Variants in TANC2 observed in about 807,000 individuals in gnomAD.
TANC2 encodes tetratricopeptide repeat, ankyrin repeat and coiled-coil containing 2.
In TANC2, 26 loss-of-function variants were observed where a neutral mutation model predicts 210.5. The ratio of observed to expected loss-of-function variants is 0.12; its 90% CI spans 0.09 to 0.17. The LOEUF (loss-of-function observed/expected upper bound fraction) is 0.17, where lower values mean the gene tolerates loss of function less well. TANC2 is among the 10% of genes least tolerant of loss of function. TANC2 has a pLI of 1.00. For synonymous variants in TANC2, 931 were observed against 967.1 expected (o/e 0.96, Z 0.69); for missense variants, 2,129 against 2,608.9 (o/e 0.82, Z 4.01).
chr17:63,079,130 T>C (rs2036675997), intron 3 of TANC2, among the ~76,000 whole-genome samples: 1 of 152,208 alleles, frequency 6.6e-6, no homozygotes, highest in Non-Finnish European at 1.5e-5. Flanking sequence ...GAGATGGGCT[T>C]GCTTAGGAAC....
chr17:63,427,067 T>C (rs2049163464), exon 28 of TANC2: 1 of 152,280 alleles, frequency 6.6e-6, no homozygotes, highest in Non-Finnish European at 1.5e-5. Context: ...CTTCCTGTTC[T>C]GGTTTTGTTT....
intron 3 of TANC2, among the ~76,000 whole-genome samples, chr17:63,076,132 G>A (rs1347844162): frequency 6.6e-6 from 1 of 152,126 alleles, no homozygotes; most frequent in Non-Finnish European, 1.5e-5. Context: ...AGATGAAGAA[G>A]CATTGGGTTT....
At chr17:63,341,591 G>T (rs561354853) in intron 12 of TANC2, among the ~76,000 whole-genome samples, 34 of 152,248 alleles carry the variant, frequency 2.2e-4, no homozygotes, top group South Asian at 2.1e-3. Flanking sequence ...ACTCCTCATT[G>T]CTGGACATGA....
chr17:63,024,604 C>T (rs1373708908), intron 2 of TANC2, among the ~76,000 whole-genome samples: 2 of 152,172 alleles, frequency 1.3e-5, no homozygotes, highest in African/African-American at 2.4e-5. Flanking sequence ...CAGTAGGTCT[C>T]GGCCTTATTT....
intron 1 of TANC2, among the ~76,000 whole-genome samples, chr17:63,009,166 A>T (rs1182214365): frequency 6.6e-6 from 1 of 151,958 alleles, no homozygotes; most frequent in African/African-American, 2.4e-5. Context: ...TGGGTAAATA[A>T]TAGTTGTATA....
chr17:63,419,205 G>T (rs1292326634), intron 27 of TANC2, among the ~76,000 whole-genome samples: 1 of 152,174 alleles, frequency 6.6e-6, no homozygotes, highest in African/African-American at 2.4e-5. Flanking sequence ...CTTGAGGCTA[G>T]TGATGGTGGT....
At chr17:63,275,329 G>T (rs1424107544) in intron 9 of TANC2, among the ~76,000 whole-genome samples, 1 of 152,142 alleles carries the variant, frequency 6.6e-6, no homozygotes, top group East Asian at 1.9e-4. Flanking sequence ...TAGACACTAG[G>T]TTGGAGGGCA....
intron 14 of TANC2, among the ~76,000 whole-genome samples, chr17:63,374,565 A>G (rs1274225799): frequency 6.6e-6 from 1 of 152,152 alleles, no homozygotes; most frequent in East Asian, 1.9e-4. Context: ...ATCGGGGGGC[A>G]CCAGGGAAGG....
intron 21 of TANC2, among the ~76,000 whole-genome samples, chr17:63,410,346 C>CCCG (rs1555654880): frequency 6.7e-4 from 86 of 128,224 alleles, no homozygotes; most frequent in African/African-American, 3.4e-3. Context: ...ATCCCCCCCC[C>CCCG]CCATCTCCTA....
chr17:63,114,328 A>G (rs945772021), intron 4 of TANC2, among the ~76,000 whole-genome samples: 1 of 152,258 alleles, frequency 6.6e-6, no homozygotes, highest in African/African-American at 2.4e-5. Context: ...ACTGCTTCTC[A>G]GTATATCCAA....
At chr17:63,415,302 A>G (rs1254151793) in intron 25 of TANC2, among the ~76,000 whole-genome samples, 1 of 152,222 alleles carries the variant, frequency 6.6e-6, no homozygotes, top group Non-Finnish European at 1.5e-5. Context: ...CCTGGCTTGT[A>G]TCTTGGGTAT....
intron 6 of TANC2, among the ~76,000 whole-genome samples, chr17:63,195,905 C>T (rs2041331013): frequency 1.3e-5 from 2 of 152,164 alleles, no homozygotes. Flanking sequence ...CCCTTTCACG[C>T]ACGGCTCTCC....
chr17:63,024,387 C>CGTCAT, intron 2 of TANC2, among the ~76,000 whole-genome samples: 1 of 152,206 alleles, frequency 6.6e-6, no homozygotes, highest in East Asian at 1.9e-4. Context: ...ATTGCCATGA[C>CGTCAT]ATTCGTAAAC....
At chr17:63,309,427 GTATT>G (rs141306579) in intron 9 of TANC2, among the ~76,000 whole-genome samples, 11,015 of 152,002 alleles carry the variant, frequency 0.072, 1,254 homozygotes, top group African/African-American at 0.24. Flanking sequence ...GCTTTAATTT[GTATT>G]TATTTGGTTA....
intron 4 of TANC2, among the ~76,000 whole-genome samples, chr17:63,131,927 C>T (rs1233708714): frequency 2.6e-5 from 4 of 152,178 alleles, no homozygotes; most frequent in Admixed American, 2.6e-4. Context: ...CTTTCATAAA[C>T]ACTGAAACTT....
chr17:63,013,757 G>A (rs1598253215), intron 2 of TANC2, among the ~76,000 whole-genome samples: 1 of 66,722 alleles, frequency 1.5e-5, no homozygotes, highest in African/African-American at 6.4e-5. Flanking sequence ...GTGAGACCCT[G>A]TCTTTAAAAA....
intron 7 of TANC2, among the ~76,000 whole-genome samples, chr17:63,223,661 T>C (rs78703169): frequency 1.1e-4 from 16 of 152,134 alleles, no homozygotes; most frequent in African/African-American, 3.6e-4. Context: ...CCTGAAACCA[T>C]AGAAGGTAAC....
At chr17:63,087,004 C>T (rs2036994862) in intron 3 of TANC2, among the ~76,000 whole-genome samples, 1 of 152,170 alleles carries the variant, frequency 6.6e-6, no homozygotes, top group Non-Finnish European at 1.5e-5. Context: ...CACTGGCGTC[C>T]CTTTCTGTGC....
intron 14 of TANC2, among the ~76,000 whole-genome samples, chr17:63,360,329 T>C (rs1363122186): frequency 6.6e-6 from 1 of 152,202 alleles, no homozygotes; most frequent in Non-Finnish European, 1.5e-5. Flanking sequence ...TTCTGCTTTC[T>C]CAAAGCATTA....
Sources: allele counts gnomAD v4.1 joint callset (sites outside exome capture counted in the v4.1 genomes callset), GRCh38; gene constraint gnomAD v4.1.1; transcripts MANE v1.5; gene names NCBI Gene and HGNC (gene_info 2026-07-23, HGNC 2026-07-21).